The following NCAM2 variants were observed in gnomAD, a reference collection of about 807,000 sequenced individuals.
The protein encoded by NCAM2 is neural cell adhesion molecule 2, also known as N-CAM-2.
A neutral mutation model predicts 98.1 loss-of-function variants in NCAM2; 30 were observed. The observed-to-expected ratio is 0.31, with a 90% CI of 0.23 to 0.41. The LOEUF (loss-of-function observed/expected upper bound fraction) is 0.41. Ranked by LOEUF, NCAM2 falls within the 10% of genes least tolerant of loss-of-function variation. The pLI is 1.00. For missense variants in NCAM2, 867 were observed against 1,005.8 expected, an observed-to-expected ratio of 0.86 and a Z score of 1.87; for synonymous variants, 368 against 342.4, an observed-to-expected ratio of 1.07 and a Z score of -0.83.
chr21:21,360,302 G>GT (rs1308427310), intron 8 of NCAM2, among the ~76,000 whole-genome samples: 1 of 151,842 alleles, frequency 6.6e-6, no homozygotes, highest in African/African-American at 2.4e-5. Context: ...AAGATCAACC[G>GT]TATGTTTAGT....
chr21:21,175,544 A>T (rs1315120823), intron 1 of NCAM2, among the ~76,000 whole-genome samples: 3 of 152,102 alleles, frequency 2.0e-5, no homozygotes, highest in Non-Finnish European at 4.4e-5. Context: ...AAAAAAATAA[A>T]AAAAAATAAA....
At chr21:21,077,987 T>A (rs1321530043) in intron 1 of NCAM2, among the ~76,000 whole-genome samples, 1 of 152,154 alleles carries the variant, frequency 6.6e-6, no homozygotes, top group Non-Finnish European at 1.5e-5. Flanking sequence ...CAAATTTTGT[T>A]TTTTAGGTAA....
chr21:21,147,725 A>C (rs60300245), intron 1 of NCAM2, among the ~76,000 whole-genome samples: 36,602 of 148,088 alleles, frequency 0.25, 5,221 homozygotes, highest in East Asian at 0.46. Context: ...ACTATATATA[A>C]TATATAGTAA....
chr21:21,084,995 C>T (rs1234081155), intron 1 of NCAM2, among the ~76,000 whole-genome samples: 1 of 152,108 alleles, frequency 6.6e-6, no homozygotes, highest in African/African-American at 2.4e-5. Flanking sequence ...CCGATGCACC[C>T]TTCCTTCTAT....
chr21:21,218,207 T>C (rs145702934), intron 1 of NCAM2, among the ~76,000 whole-genome samples: 63 of 152,314 alleles, frequency 4.1e-4, no homozygotes, highest in Non-Finnish European at 7.1e-4. Context: ...CTTGTGAGCG[T>C]GGCCTATTAG....
At chr21:21,178,629 C>T (rs1232778223) in intron 1 of NCAM2, among the ~76,000 whole-genome samples, 1 of 152,018 alleles carries the variant, frequency 6.6e-6, no homozygotes, top group East Asian at 1.9e-4. Context: ...CTTCATAGTC[C>T]AAGATCTCCA....
chr21:21,419,360 A>ATTTTTT (rs1052125697), intron 11 of NCAM2, among the ~76,000 whole-genome samples: 6 of 49,000 alleles, frequency 1.2e-4, no homozygotes, highest in Admixed American at 2.3e-4. Flanking sequence ...TTTTTTTTCG[A>ATTTTTT]TTTTTTTTTA....
chr21:21,377,812 G>A (rs544498516), intron 9 of NCAM2, among the ~76,000 whole-genome samples: 1 of 151,810 alleles, frequency 6.6e-6, no homozygotes, highest in African/African-American at 2.4e-5. Context: ...TCTACCCTTT[G>A]ATCAATAACT....
At chr21:21,101,162 C>A (rs2066232805) in intron 1 of NCAM2, among the ~76,000 whole-genome samples, 1 of 151,914 alleles carries the variant, frequency 6.6e-6, no homozygotes, top group Admixed American at 6.6e-5. Context: ...ACCTAATTTT[C>A]ACCTTAGATT....
intron 1 of NCAM2, among the ~76,000 whole-genome samples, chr21:21,263,525 G>A (rs933013527): frequency 1.3e-5 from 2 of 151,704 alleles, no homozygotes; most frequent in African/African-American, 2.4e-5. Flanking sequence ...AATTCATAAT[G>A]GACCACACAA....
At chr21:21,432,582 G>A (rs2077370299) in intron 12 of NCAM2, among the ~76,000 whole-genome samples, 1 of 150,786 alleles carries the variant, frequency 6.6e-6, no homozygotes, top group Non-Finnish European at 1.5e-5. Flanking sequence ...ATGATGGCTG[G>A]ATTTTATGAA....
At chr21:21,410,562 AAG>A (rs2076836333) in intron 10 of NCAM2, 101 bp downstream of exon 10, 1 of 586,522 alleles carries the variant, frequency 1.7e-6, no homozygotes, top group Admixed American at 4.2e-5. Context: ...TATATATAAT[AAG>A]AGAGAGAAAT....
At chr21:21,434,098 A>T (rs962300939) in intron 12 of NCAM2, among the ~76,000 whole-genome samples, 1 of 152,206 alleles carries the variant, frequency 6.6e-6, no homozygotes, top group East Asian at 1.9e-4. Flanking sequence ...CTGACATTTT[A>T]TCTTACCTGT....
At chr21:21,051,908 C>G (rs915857886) in intron 1 of NCAM2, among the ~76,000 whole-genome samples, 6 of 152,176 alleles carry the variant, frequency 3.9e-5, no homozygotes, top group Non-Finnish European at 8.8e-5. Flanking sequence ...AAACCTTTTT[C>G]CACAGTTATT....
intron 12 of NCAM2, among the ~76,000 whole-genome samples, chr21:21,436,756 C>G (rs1233223673): frequency 7.8e-6 from 1 of 128,202 alleles, no homozygotes; most frequent in East Asian, 2.4e-4. Context: ...TCTACAGAAG[C>G]AACTTTTTTT....
intron 1 of NCAM2, among the ~76,000 whole-genome samples, chr21:21,165,490 G>C (rs534133293): frequency 3.3e-5 from 5 of 152,276 alleles, no homozygotes; most frequent in Non-Finnish European, 7.3e-5. Flanking sequence ...TAAATACAGT[G>C]TGGCCCAGGG....
intron 10 of NCAM2, among the ~76,000 whole-genome samples, chr21:21,410,955 C>T (rs1483395873): frequency 4.3e-5 from 6 of 139,972 alleles, no homozygotes; most frequent in Non-Finnish European, 6.1e-5. Context: ...TGCAGTGAGC[C>T]GAGATCACGC....
intron 8 of NCAM2, among the ~76,000 whole-genome samples, chr21:21,355,111 A>G (rs1246156753): frequency 2.0e-5 from 3 of 152,084 alleles, no homozygotes; most frequent in Admixed American, 6.6e-5. Context: ...CTTCCTTCCA[A>G]TAAATAGATG....
intron 1 of NCAM2, among the ~76,000 whole-genome samples, chr21:21,151,861 A>G (rs910763412): frequency 6.6e-6 from 1 of 151,970 alleles, no homozygotes; most frequent in Admixed American, 6.6e-5. Flanking sequence ...TTTGTGCATT[A>G]AGTGACTTTT....
Sources: allele counts gnomAD v4.1 joint callset (sites outside exome capture counted in the v4.1 genomes callset), GRCh38; gene constraint gnomAD v4.1.1; transcripts MANE v1.5; gene names NCBI Gene and HGNC (gene_info 2026-07-23, HGNC 2026-07-21).